CHL1: variants seen among roughly 807,000 people sequenced by gnomAD.
The protein encoded by CHL1 is cell adhesion molecule L1 like.
CHL1 carries 96 observed loss-of-function variants against 141.9 expected under a neutral mutation model. The observed-to-expected ratio is 0.68, with a 90% CI of 0.57 to 0.80. The LOEUF is 0.80. CHL1 is among the 30% of genes least tolerant of loss of function. The pLI, the probability that CHL1 is intolerant of heterozygous loss-of-function variation, is 0.00. For missense variants in CHL1, 1,820 were observed against 1,457.2 expected (o/e 1.25, Z -4.05); for synonymous variants, 613 against 502.2 (o/e 1.22, Z -2.95).
At chr3:321,507 T>A (rs1002520610) in intron 3 of CHL1, among the ~76,000 whole-genome samples, 1 of 152,106 alleles carries the variant, frequency 6.6e-6, no homozygotes, top group African/African-American at 2.4e-5. Flanking sequence ...GGAAAAATGT[T>A]AATAATTTCA....
intron 2 of CHL1, among the ~76,000 whole-genome samples, chr3:308,094 T>G (rs1003841093): frequency 1.3e-5 from 2 of 152,202 alleles, no homozygotes; most frequent in African/African-American, 2.4e-5. Context: ...CTCAGTGTTT[T>G]ACATTCAGAT....
At chr3:303,101 A>G (rs1698906420) in intron 2 of CHL1, among the ~76,000 whole-genome samples, 1 of 152,066 alleles carries the variant, frequency 6.6e-6, no homozygotes. Context: ...ACTGGTCTAT[A>G]TATCTGTTTT....
At chr3:225,191 A>G (rs1701202281) in intron 1 of CHL1, among the ~76,000 whole-genome samples, 1 of 152,218 alleles carries the variant, frequency 6.6e-6, no homozygotes, top group Non-Finnish European at 1.5e-5. Context: ...TATGTTAATG[A>G]ATCTTTTATT....
intron 1 of CHL1, among the ~76,000 whole-genome samples, chr3:198,358 C>T (rs1198170180): frequency 6.6e-6 from 1 of 151,834 alleles, no homozygotes; most frequent in African/African-American, 2.4e-5. Flanking sequence ...AGGGCGCGCT[C>T]CCGCGGGAAC....
intron 1 of CHL1, among the ~76,000 whole-genome samples, chr3:238,652 C>T (rs1451822524): frequency 6.6e-6 from 1 of 151,982 alleles, no homozygotes; most frequent in Non-Finnish European, 1.5e-5. Context: ...TGGCCAGGTA[C>T]AGTGGCTCAC....
chr3:242,846 C>T (rs1339153017), intron 1 of CHL1, among the ~76,000 whole-genome samples: 1 of 152,158 alleles, frequency 6.6e-6, no homozygotes, highest in Admixed American at 6.5e-5. Context: ...ATCATAGCTA[C>T]AGTCTCCATG....
At chr3:369,401 G>C (rs1194848400) in intron 15 of CHL1, among the ~76,000 whole-genome samples, 2 of 152,138 alleles carry the variant, frequency 1.3e-5, no homozygotes, top group East Asian at 3.9e-4. Context: ...CTCTCTGCTG[G>C]TCTATTGCTG....
rs1700407618 is a variant in CHL1, at chr3:319,654, C to G, written c.-94-29C>G. ...CTGTTGAAATTTTAGAGTTTGTGAA[C>G]TAACATGTTATTCTGTTTGTGTTTT... is the stretch of plus-strand genomic sequence containing the variant. On this transcript the variant is annotated intron_variant, in intron 2 of 27. Coordinates refer to ENST00000256509, the MANE Select transcript of CHL1 (RefSeq NM_006614.4). The G allele has an allele frequency of 4.2e-6, 2 of 474,556 alleles. 1 individual carries two copies. The highest frequency in any genetic ancestry group is 4.9e-5 in the South Asian group (2 of 41,054). The allele number at this position is 474,556 out of a possible 1,614,324, so 29.4% of individuals were successfully genotyped here.
intron 5 of CHL1, 82 bp from the exon 6 acceptor site, chr3:340,712 A>G: frequency 8.3e-7 from 1 of 1,198,620 alleles, no homozygotes; most frequent in East Asian, 2.6e-5. Flanking sequence ...TGAATTTTGA[A>G]AAAAAAGAAC....
chr3:258,974 C>T (rs903457547), intron 2 of CHL1, among the ~76,000 whole-genome samples: 1 of 147,528 alleles, frequency 6.8e-6, no homozygotes, highest in Non-Finnish European at 1.5e-5. Context: ...CCCTTTGTCA[C>T]CCAGGCTGGA....
intron 27 of CHL1, 141 bp from the exon 28 acceptor site, chr3:405,354 A>C (rs1709458232): frequency 1.7e-6 from 1 of 602,296 alleles, no homozygotes. Context: ...TGGTAGTATC[A>C]TGTGGGCTTT....
At chr3:263,647 T>G (rs548571799) in intron 2 of CHL1, among the ~76,000 whole-genome samples, 2 of 152,352 alleles carry the variant, frequency 1.3e-5, no homozygotes, top group South Asian at 4.1e-4. Flanking sequence ...ATTCACATAA[T>G]TGATGTAGAG....
At position 394,745 on chromosome 3, in the gene CHL1, A is replaced by T. The variant is rs2106400408; in HGVS notation, c.2967A>T (p.Pro989=). 1 of 1,613,970 alleles carries T rather than the reference A, an allele frequency of 6.2e-7. No homozygotes were observed. The highest frequency in any genetic ancestry group is 1.1e-5 in the South Asian group (1 of 91,068). ...TAAATGATATTAACATTACAACTCC[A>T]TCAAAGCCCAGCTGGCACCTCTCAA... is the stretch of plus-strand genomic sequence containing the variant. ...GELNDINITT[P]SKPSWHLSNL... The change falls in exon 24 of 28, where the codon CCA becomes CCT. Residue 989 remains proline, a synonymous_variant. Transcript: ENST00000256509.
At chr3:376,460 AGTGAGG>A in intron 15 of CHL1, 1 of 508,706 alleles carries the variant, frequency 2.0e-6, no homozygotes, top group Non-Finnish European at 3.9e-6. Flanking sequence ...TTCGAGGACT[AGTGAGG>A]CACCCAACGT....
At chr3:206,543 G>A (rs998502812) in intron 1 of CHL1, among the ~76,000 whole-genome samples, 8 of 152,120 alleles carry the variant, frequency 5.3e-5, no homozygotes, top group Admixed American at 5.2e-4. Flanking sequence ...CAGCAACACA[G>A]CAAGACTCCA....
intron 24 of CHL1, among the ~76,000 whole-genome samples, chr3:397,935 T>C (rs1009769941): frequency 6.6e-6 from 1 of 152,220 alleles, no homozygotes; most frequent in Non-Finnish European, 1.5e-5. Flanking sequence ...CACAAAATTA[T>C]ATTGTATAAT....
intron 24 of CHL1, among the ~76,000 whole-genome samples, chr3:396,469 G>T (rs911940778): frequency 2.0e-5 from 3 of 152,254 alleles, no homozygotes; most frequent in Non-Finnish European, 2.9e-5. Flanking sequence ...TCACAGAATT[G>T]CCTGACAAGT....
At chr3:224,197 T>C (rs1701119245) in intron 1 of CHL1, among the ~76,000 whole-genome samples, 1 of 152,138 alleles carries the variant, frequency 6.6e-6, no homozygotes, top group South Asian at 2.1e-4. Flanking sequence ...AGGGAGTAGT[T>C]TGGGGAAGGG....
intron 2 of CHL1, among the ~76,000 whole-genome samples, chr3:319,208 T>TGGACATAAAGATAAGAATAATAGAATAA (rs1700368815): frequency 4.0e-5 from 6 of 151,644 alleles, no homozygotes; most frequent in African/African-American, 7.3e-5. Context: ...AATAGAATAA[T>TGGACATAAAGATAAGAATAATAGAATAA]TGTGGACTAC....
Sources: gnomAD v4.1 joint callset for allele counts (sites outside exome capture counted in the v4.1 genomes callset) on GRCh38, gnomAD v4.1.1 for gene constraint, MANE v1.5 for transcripts, NCBI Gene and HGNC (gene_info 2026-07-23, HGNC 2026-07-21) for gene names.